The following ABL1 variants were observed in gnomAD, a reference collection of about 807,000 sequenced individuals.
ABL1 encodes the protein tyrosine-protein kinase ABL1.
ABL1 carries 11 observed loss-of-function variants against 94.7 expected under a neutral mutation model. The ratio of observed to expected loss-of-function variants is 0.12; its 90% CI spans 0.07 to 0.19. ABL1 has a LOEUF of 0.19. Among genes scored for constraint, ABL1 ranks in the 10% least tolerant of loss-of-function variants. The probability of loss-of-function intolerance (pLI) is 1.00; values close to 1 mark genes in which losing one functional copy is unlikely to be tolerated. For missense variants in ABL1, 1,082 were observed against 1,489.4 expected (o/e 0.73, Z 4.50); for synonymous variants, 656 against 622.4 (o/e 1.05, Z -0.80).
chr9:130,791,631 C>T (rs998766146), intron 1 of ABL1, among the ~76,000 whole-genome samples: 6 of 152,116 alleles, frequency 3.9e-5, no homozygotes, highest in African/African-American at 1.4e-4. Flanking sequence ...TGGATGCTTC[C>T]TCCCACTCCT....
At chr9:130,776,576 C>CAA (rs67443041) in intron 1 of ABL1, among the ~76,000 whole-genome samples, 2 of 141,032 alleles carry the variant, frequency 1.4e-5, no homozygotes, top group African/African-American at 2.6e-5. Context: ...GACTCTATCT[C>CAA]AAAAAAAAAA....
intron 1 of ABL1, among the ~76,000 whole-genome samples, chr9:130,772,154 C>G (rs1832260818): frequency 6.6e-6 from 1 of 152,168 alleles, no homozygotes; most frequent in Non-Finnish European, 1.5e-5. Flanking sequence ...ATTTCCCTGC[C>G]TTTTAGATTT....
chr9:130,868,405 G>A (rs999074837), intron 4 of ABL1, among the ~76,000 whole-genome samples: 1 of 152,062 alleles, frequency 6.6e-6, no homozygotes, highest in South Asian at 2.1e-4. Context: ...TGTGGAAACT[G>A]ATCTATCTGT....
intron 1 of ABL1, among the ~76,000 whole-genome samples, chr9:130,740,564 C>T (rs2132710977): frequency 6.6e-6 from 1 of 152,324 alleles, no homozygotes; most frequent in South Asian, 2.1e-4. Context: ...ATCTCACCAC[C>T]TTATTCTATT....
chr9:130,728,213 G>A (rs912541434), intron 1 of ABL1, among the ~76,000 whole-genome samples: 1 of 142,330 alleles, frequency 7.0e-6, no homozygotes, highest in Non-Finnish European at 1.5e-5. Context: ...ATGGGCATGC[G>A]CCACCATGTC....
At position 130,744,696 on chromosome 9, in the gene ABL1, CA is replaced by C. The variant is rs1293447753; in HGVS notation, c.136+30252del. On this transcript the variant is annotated intron_variant, in intron 1 of 10. Coordinates refer to the ABL1 transcript ENST00000372348. ...TGAAATGCCATCTCTACTAAAAATA[CA>C]AAAAAAAAAATTAGCCGAGCGTAGT... Among the ~76,000 whole-genome samples the C allele has an allele frequency of 8.8e-3, 1,235 of 140,478 alleles. 14 individuals are homozygous for C. The highest frequency in any genetic ancestry group is 0.028 in the African/African-American group (1,099 of 38,700). 92.2% of individuals were successfully genotyped at this position (140,478 alleles called of 152,430 possible). A position where few individuals can be genotyped will look rare whatever the true frequency, so the allele number is the denominator to read the frequency against.
In ABL1 at chr9:130,814,326, C is replaced by G. The variant is rs1830254773; in HGVS notation, c.137-39738C>G. Among the ~76,000 whole-genome samples, 2 of 151,858 alleles carry G rather than the reference C, an allele frequency of 1.3e-5. No homozygotes were observed. The highest frequency in any genetic ancestry group is 2.9e-5 in the Non-Finnish European group (2 of 67,944). Reference sequence around the variant, plus strand: ...AAAGAAAGAAAAAGAAAAGGCCAGTCTGGAAATCAATGAAACAGAAAACCA... The same window carrying G: ...AAAGAAAGAAAAAGAAAAGGCCAGTGTGGAAATCAATGAAACAGAAAACCA... On this transcript the variant is annotated intron_variant, in intron 1 of 10. Coordinates refer to the ABL1 transcript ENST00000372348. This position sits in a 1 kb window ranked among gnomAD's most constrained non-coding sequence, Gnocchi z 4.4.
At chr9:130,788,859 C>A (rs1315564702) in intron 1 of ABL1, among the ~76,000 whole-genome samples, 3 of 152,174 alleles carry the variant, frequency 2.0e-5, no homozygotes, top group Non-Finnish European at 2.9e-5. Flanking sequence ...GTGTTACATC[C>A]ATTTGCATAC....
rs141920514 is a variant in ABL1, at chr9:130,872,149, A to G, written c.843A>G (p.Glu281=). Residue 281 remains glutamate (E), a synonymous_variant, in exon 5 of 11, where the codon GAA becomes GAG. Coordinates refer to ENST00000318560, the MANE Select transcript of ABL1 (RefSeq NM_005157.6). The surrounding 1 kb of genome is among the most constrained non-coding windows in gnomAD (Gnocchi z 5.0). ...KTLKEDTMEV[E]EFLKEAAVMK... is the part of the protein sequence containing the mutation. ...TGCAGGAGGACACCATGGAGGTGGA[A>G]GAGTTCTTGAAAGAAGCTGCAGTCA... The G allele has an allele frequency of 9.7e-5, 156 of 1,614,196 alleles. 1 individual carries two copies. In the African/African-American group the frequency reaches 1.4e-3, roughly 14 times the overall value.
chr9:130,769,449 A>C (rs1832225771), intron 1 of ABL1, among the ~76,000 whole-genome samples: 1 of 147,538 alleles, frequency 6.8e-6, no homozygotes, highest in African/African-American at 2.5e-5. Flanking sequence ...CTCCTGCCTC[A>C]GCCTGCCAGG....
In ABL1 at chr9:130,835,368, G is replaced by A. The variant is rs185078786; in HGVS notation, c.-79G>A. ...GGCCGGGGGCGCCGGGGGGGCGCGC[G>A]GGCCGAGCCGGGCCTGAGCCGGGCC... On this transcript the variant is annotated 5_prime_UTR_variant, in exon 1 of 11. Transcript: ENST00000318560. The surrounding 1 kb of genome is among the most constrained non-coding windows in gnomAD (Gnocchi z 4.6). 4,950 of 830,228 alleles carry A rather than the reference G, an allele frequency of 6.0e-3. 243 individuals are homozygous for A. The African/African-American group carries it at 0.087, about 15-fold the overall frequency. 51.4% of individuals were successfully genotyped at this position (830,228 alleles called of 1,614,324 possible).
At chr9:130,770,672 A>G (rs758503342) in intron 1 of ABL1, among the ~76,000 whole-genome samples, 1 of 152,250 alleles carries the variant, frequency 6.6e-6, no homozygotes, top group Middle Eastern at 3.2e-3. Context: ...ATTGCTTTCA[A>G]ATATTTAAAA....
rs554776924 is a variant in ABL1, at chr9:130,859,136, T to G, written c.550-3627T>G. Among the ~76,000 whole-genome samples, 9 of 152,332 alleles carry G rather than the reference T, an allele frequency of 5.9e-5. No individual in the cohort carries two copies. The South Asian group carries it at 1.9e-3, about 32-fold the overall frequency. Reference sequence around the variant, plus strand: ...CATAGCGGAATTGAAGATTGATTTTTCTTCACCACCTTCTGCCTAAAGTTC... The same window carrying G: ...CATAGCGGAATTGAAGATTGATTTTGCTTCACCACCTTCTGCCTAAAGTTC... On this transcript the variant is annotated intron_variant, in intron 3 of 10. Coordinates refer to ENST00000318560, the MANE Select transcript of ABL1 (RefSeq NM_005157.6).
intron 1 of ABL1, among the ~76,000 whole-genome samples, chr9:130,758,497 G>A (rs1317581952): frequency 2.7e-5 from 4 of 150,032 alleles, no homozygotes; most frequent in African/African-American, 4.9e-5. Context: ...CAGTGGCGCA[G>A]TCTCGACTCA....
chr9:130,883,852 ACT>A, intron 10 of ABL1, 115 bp from the exon 11 acceptor site: 1 of 1,282,258 alleles, frequency 7.8e-7, no homozygotes, highest in South Asian at 1.5e-5. Context: ...ATGGAGTCTC[ACT>A]CTGTCTCCTG....
At chr9:130,800,794 G>A (rs1830044308) in intron 1 of ABL1, among the ~76,000 whole-genome samples, 1 of 151,800 alleles carries the variant, frequency 6.6e-6, no homozygotes, top group South Asian at 2.1e-4. Flanking sequence ...TTTTACTAGT[G>A]GATAACATTA....
At chr9:130,757,791 T>G (rs775536579) in intron 1 of ABL1, among the ~76,000 whole-genome samples, 16 of 152,048 alleles carry the variant, frequency 1.1e-4, no homozygotes, top group Admixed American at 2.0e-4. Context: ...TTTACCCGCC[T>G]CGGCCTCCCA....
intron 4 of ABL1, among the ~76,000 whole-genome samples, chr9:130,869,985 T>C (rs1434956808): frequency 6.6e-6 from 1 of 152,128 alleles, no homozygotes; most frequent in African/African-American, 2.4e-5. Context: ...CTACCACGCC[T>C]GGCTAATTTT....
rs187438202 is a variant in ABL1 at position 130,887,429 on chromosome 9, C to T, written c.*1746C>T. On this transcript the variant is annotated 3_prime_UTR_variant, in exon 11 of 11. Coordinates refer to ENST00000318560, the MANE Select transcript of ABL1 (RefSeq NM_005157.6). Reference sequence around the variant, plus strand: ...GTCTCCATGAGGTACTGGTCCCTTCCTTTTGTTAACGTGATGTGCCACTAT... The same window carrying T: ...GTCTCCATGAGGTACTGGTCCCTTCTTTTTGTTAACGTGATGTGCCACTAT... The T allele has an allele frequency of 8.1e-4, 188 of 233,448 alleles. No homozygotes were observed. The highest frequency in any genetic ancestry group is 3.9e-3 in the African/African-American group (179 of 45,470). 14.5% of individuals were successfully genotyped at this position (233,448 alleles called of 1,614,324 possible). A position where few individuals can be genotyped will look rare whatever the true frequency, so the allele number is the denominator to read the frequency against.
Sources: allele counts gnomAD v4.1 joint callset (sites outside exome capture counted in the v4.1 genomes callset), GRCh38; gene constraint gnomAD v4.1.1; non-coding constraint Gnocchi (gnomAD v3.1); transcripts MANE v1.5; gene names NCBI Gene and HGNC (gene_info 2026-07-23, HGNC 2026-07-21).